ZNF407: variants seen among roughly 807,000 people sequenced by gnomAD.
ZNF407 encodes zinc finger protein 407.
In ZNF407, 17 loss-of-function variants were observed where a neutral mutation model predicts 131.2. The ratio of observed to expected loss-of-function variants is 0.13; its 90% confidence interval spans 0.09 to 0.19. ZNF407 has a LOEUF of 0.19. Ranked by LOEUF, ZNF407 falls within the 10% of genes least tolerant of loss-of-function variation. The pLI, the probability that ZNF407 is intolerant of heterozygous loss-of-function variation, is 1.00. For missense variants in ZNF407, 2,681 were observed against 2,830.6 expected (o/e 0.95, Z 1.20); for synonymous variants, 1,156 against 1,062.0 (o/e 1.09, Z -1.72).
At chr18:74,820,581 A>G (rs891008965) in intron 4 of ZNF407, among the ~76,000 whole-genome samples, 1 of 152,208 alleles carries the variant, frequency 6.6e-6, no homozygotes, top group African/African-American at 2.4e-5. Context: ...CTGTTAGCTG[A>G]CATTGTGAAG....
Position 74,781,512 on chromosome 18 carries a change from A to C in ZNF407, c.4877+10A>C, listed in dbSNP as rs762858989. 3.3e-6 allele frequency: 5 copies of C among 1,492,994 alleles called. No individual in the cohort carries two copies. The highest frequency in any genetic ancestry group is 1.7e-4 in the Middle Eastern group (1 of 5,718). 92.5% of individuals were successfully genotyped at this position (1,492,994 alleles called of 1,614,324 possible). A position where few individuals can be genotyped will look rare whatever the true frequency, so the allele number is the denominator to read the frequency against. ...GCACCCCAAAAGAAAGGTAATTTTCATTCTTTTTTTTTCATTTAAAAATAC... is the reference window on the plus strand; with the variant it reads ...GCACCCCAAAAGAAAGGTAATTTTCCTTCTTTTTTTTTCATTTAAAAATAC... On this transcript the variant is annotated intron_variant, in intron 4 of 8. Transcript: ENST00000299687.
At chr18:74,621,990 A>G (rs1277881741) in intron 1 of ZNF407, among the ~76,000 whole-genome samples, 1 of 151,992 alleles carries the variant, frequency 6.6e-6, no homozygotes, top group Non-Finnish European at 1.5e-5. Flanking sequence ...TATCTAGTGA[A>G]TGGTTTTTTA....
Position 75,063,061 on chromosome 18 carries a change from G to A in ZNF407, c.5429-89G>A. The A allele has an allele frequency of 8.0e-7, 1 of 1,249,758 alleles. No homozygotes were observed. Among genetic ancestry groups the A allele is most frequent in the African/African-American group, 1.5e-5 (1 of 66,618 alleles). 77.4% of individuals were successfully genotyped at this position (1,249,758 alleles called of 1,614,324 possible). On this transcript the variant is annotated intron_variant, in intron 8 of 8. Transcript: ENST00000299687. This position sits in a 1 kb window ranked among gnomAD's most constrained non-coding sequence, Gnocchi z 6.6. ...AATAGGGGGTCGTGGTGACTCTGCT[G>A]AGGCCTGAGCGCTTCTGCAGAAGAA...
In ZNF407 at chr18:75,063,054, C is replaced by T; in HGVS notation, c.5429-96C>T. On this transcript the variant is annotated intron_variant, in intron 8 of 8. Coordinates refer to ENST00000299687, the MANE Select transcript of ZNF407 (RefSeq NM_017757.3). This position sits in a 1 kb window ranked among gnomAD's most constrained non-coding sequence, Gnocchi z 6.6. ...GGTTTGGAATAGGGGGTCGTGGTGA[C>T]TCTGCTGAGGCCTGAGCGCTTCTGC... The T allele has an allele frequency of 8.5e-7, 1 of 1,173,280 alleles. No homozygotes were observed. The highest frequency in any genetic ancestry group is 1.2e-6 in the Non-Finnish European group (1 of 827,038). The allele number at this position is 1,173,280 out of a possible 1,614,324, so 72.7% of individuals were successfully genotyped here.
chr18:74,793,157 T>C (rs1969857270), intron 4 of ZNF407, among the ~76,000 whole-genome samples: 2 of 152,218 alleles, frequency 1.3e-5, no homozygotes, highest in Middle Eastern at 3.2e-3. Context: ...ACTCATTGTA[T>C]GTTTCTAGAA....
intron 3 of ZNF407, among the ~76,000 whole-genome samples, chr18:74,649,590 C>T (rs1985134422): frequency 6.6e-6 from 1 of 152,108 alleles, no homozygotes; most frequent in Non-Finnish European, 1.5e-5. Context: ...GGTTTTAGAA[C>T]TTACACTGTT....
chr18:75,049,499 C>G (rs1268898113), intron 8 of ZNF407, among the ~76,000 whole-genome samples: 1 of 152,194 alleles, frequency 6.6e-6, no homozygotes, highest in East Asian at 1.9e-4. Context: ...TAAATATTAG[C>G]AAGGACATTG....
At chr18:74,734,086 C>A (rs1306325060) in intron 3 of ZNF407, among the ~76,000 whole-genome samples, 1 of 152,266 alleles carries the variant, frequency 6.6e-6, no homozygotes. Flanking sequence ...AAAGAACGAT[C>A]TTCCTGCTGT....
At chr18:74,617,500 T>A (rs1983367374) in intron 1 of ZNF407, among the ~76,000 whole-genome samples, 2 of 152,228 alleles carry the variant, frequency 1.3e-5, no homozygotes, top group East Asian at 3.8e-4. Flanking sequence ...TTATAAAGCC[T>A]TTCTCTGTCT....
At chr18:74,909,723 G>C (rs895706372) in intron 7 of ZNF407, among the ~76,000 whole-genome samples, 1 of 151,562 alleles carries the variant, frequency 6.6e-6, no homozygotes, top group Non-Finnish European at 1.5e-5. Context: ...TTTGGAGAAG[G>C]GTTTTATAAA....
Position 74,693,888 on chromosome 18 carries a change from T to G in ZNF407, c.4802+52766T>G, listed in dbSNP as rs549037196. Among the ~76,000 whole-genome samples the G allele has an allele frequency of 2.0e-5, 3 of 152,340 alleles. No homozygotes were observed. In the East Asian group the frequency reaches 5.8e-4, roughly 29 times the overall value. ...GTGTATATATTAGCCTGTTTGATATTGTCTCATAAGTTACTGATTCTGTGC... is the reference window on the plus strand; with the variant it reads ...GTGTATATATTAGCCTGTTTGATATGGTCTCATAAGTTACTGATTCTGTGC... On this transcript the variant is annotated intron_variant, in intron 3 of 8. Coordinates refer to ENST00000299687, the MANE Select transcript of ZNF407 (RefSeq NM_017757.3).
At chr18:74,785,633 C>T (rs749110366) in intron 4 of ZNF407, among the ~76,000 whole-genome samples, 2 of 152,178 alleles carry the variant, frequency 1.3e-5, no homozygotes, top group Non-Finnish European at 2.9e-5. Context: ...GTTGAAGTGG[C>T]ATAAAAGCAT....
intron 8 of ZNF407, among the ~76,000 whole-genome samples, chr18:75,006,453 T>C (rs998088239): frequency 2.0e-5 from 3 of 152,222 alleles, no homozygotes; most frequent in Admixed American, 2.0e-4. Context: ...ATCCTGTAAG[T>C]TTTTATATTT....
chr18:74,795,665 C>T (rs7504373), intron 4 of ZNF407, among the ~76,000 whole-genome samples: 143,938 of 152,312 alleles, frequency 0.95, 68,503 homozygotes, highest in East Asian at 1. Flanking sequence ...CAGTTCAGTT[C>T]TGGGCATTCT....
chr18:75,054,897 A>G lies in ZNF407; in HGVS notation c.5429-8253A>G, dbSNP rs547362681. ...CTTTTCCAAGCATGGGCTCCCCCCCATACAAAGCCTGAAGGGCACTGTTAC... is the reference window on the plus strand; with the variant it reads ...CTTTTCCAAGCATGGGCTCCCCCCCGTACAAAGCCTGAAGGGCACTGTTAC... On this transcript the variant is annotated intron_variant, in intron 8 of 8. Coordinates refer to ENST00000299687, the MANE Select transcript of ZNF407 (RefSeq NM_017757.3). Among the ~76,000 whole-genome samples, 6 of 152,328 alleles carry G rather than the reference A, an allele frequency of 3.9e-5. No homozygotes were observed. In the South Asian group the frequency reaches 1.2e-3, roughly 32 times the overall value.
In ZNF407 at chr18:75,063,996, C is replaced by T. The variant is rs373190080; in HGVS notation, c.6275C>T (p.Ala2092Val). 2.0e-5 allele frequency: 32 copies of T among 1,611,154 alleles called. No individual in the cohort carries two copies. Among genetic ancestry groups the T allele is most frequent in the Non-Finnish European group, 2.6e-5 (31 of 1,178,970 alleles). The change falls in exon 9 of 9, where the codon GCC becomes GTC. Residue 2092 changes from alanine (A) to valine (V), a missense_variant. Physicochemically the swap from Ala to Val is moderately conservative, Grantham distance 64. Coordinates refer to ENST00000299687, the MANE Select transcript of ZNF407 (RefSeq NM_017757.3). This position sits in a 1 kb window ranked among gnomAD's most constrained non-coding sequence, Gnocchi z 6.6. ...GVLQFAVCDTAAAGQLVKDGV... is the reference protein window; with the variant it reads ...GVLQFAVCDTVAAGQLVKDGV... ...CTCCAGTTTGCTGTGTGTGACACGG[C>T]CGCGGCCGGCCAGTTGGTCAAGGAC...
intron 3 of ZNF407, among the ~76,000 whole-genome samples, chr18:74,702,100 A>T (rs1967511162): frequency 6.6e-6 from 1 of 152,174 alleles, no homozygotes; most frequent in South Asian, 2.1e-4. Context: ...ATGAGGTATT[A>T]GATCAGAGGT....
At chr18:74,986,254 A>T (rs1218774167) in intron 8 of ZNF407, among the ~76,000 whole-genome samples, 1 of 152,066 alleles carries the variant, frequency 6.6e-6, no homozygotes, top group Admixed American at 6.6e-5. Flanking sequence ...AATAGGAATA[A>T]ATGTGAGCTC....
intron 8 of ZNF407, among the ~76,000 whole-genome samples, chr18:75,025,732 A>G (rs1164215289): frequency 6.6e-6 from 1 of 152,212 alleles, no homozygotes; most frequent in Non-Finnish European, 1.5e-5. Context: ...TACTTGTGGC[A>G]CTTACTCAGA....
Sources: allele counts gnomAD v4.1 joint callset (sites outside exome capture counted in the v4.1 genomes callset), GRCh38; gene constraint gnomAD v4.1.1; non-coding constraint Gnocchi (gnomAD v3.1); transcripts MANE v1.5; gene names NCBI Gene and HGNC (gene_info 2026-07-23, HGNC 2026-07-21).